GYG1: variants seen among roughly 807,000 people sequenced by gnomAD.
GYG1 encodes the protein glycogenin-1.
Under a neutral mutation model 41.9 loss-of-function variants are expected in GYG1, and 44 were observed. That is an observed-to-expected ratio of 1.05 (90% CI 0.83 to 1.35). The LOEUF (loss-of-function observed/expected upper bound fraction) is 1.35, where lower values mean the gene tolerates loss of function less well. Among genes scored for constraint, GYG1 ranks in the 40% most tolerant of loss-of-function variants. The pLI, the probability that GYG1 is intolerant of heterozygous loss-of-function variation, is 0.00. For missense variants in GYG1, 429 were observed against 418.9 expected (o/e 1.02, Z -0.21); for synonymous variants, 141 against 158.1 (o/e 0.89, Z 0.81).
chr3:149,003,530 AT>A (rs1435376059), intron 4 of GYG1, among the ~76,000 whole-genome samples: 1 of 152,206 alleles, frequency 6.6e-6, no homozygotes, highest in Non-Finnish European at 1.5e-5. Context: ...AATGTTAGAC[AT>A]TTTTTATAGA....
At chr3:148,997,994 T>G (rs1712903714) in intron 4 of GYG1, among the ~76,000 whole-genome samples, 1 of 152,228 alleles carries the variant, frequency 6.6e-6, no homozygotes, top group Non-Finnish European at 1.5e-5. Flanking sequence ...GGTGCAGATA[T>G]GAGAATTCAT....
intron 4 of GYG1, among the ~76,000 whole-genome samples, chr3:148,998,651 G>A (rs999248975): frequency 1.7e-4 from 26 of 152,328 alleles, no homozygotes; most frequent in African/African-American, 5.3e-4. Flanking sequence ...GGTCAAGGCC[G>A]AATGAAACTT....
intron 5 of GYG1, among the ~76,000 whole-genome samples, chr3:149,017,875 A>G (rs941386032): frequency 6.6e-6 from 1 of 151,520 alleles, no homozygotes; most frequent in Admixed American, 6.6e-5. Flanking sequence ...GGCCTCCCAA[A>G]GTGCTAGGAT....
chr3:149,015,974 C>G (rs990399816), intron 5 of GYG1, among the ~76,000 whole-genome samples: 1 of 151,956 alleles, frequency 6.6e-6, no homozygotes, highest in Non-Finnish European at 1.5e-5. Context: ...AGATAAGAGC[C>G]AGGACAGGCC....
At chr3:149,000,162 G>T (rs1713012948) in intron 4 of GYG1, among the ~76,000 whole-genome samples, 1 of 152,088 alleles carries the variant, frequency 6.6e-6, no homozygotes, top group Admixed American at 6.6e-5. Flanking sequence ...TCCTAATATG[G>T]CAAACCATAC....
chr3:148,995,165 G>A (rs1211770150), intron 2 of GYG1, among the ~76,000 whole-genome samples: 3 of 152,198 alleles, frequency 2.0e-5, no homozygotes, highest in Non-Finnish European at 4.4e-5. Flanking sequence ...AGCCGAGATT[G>A]TGCCACTGCA....
intron 5 of GYG1, among the ~76,000 whole-genome samples, chr3:149,013,033 T>TGTGTGTGTGTGTGTGTGTGTGTGTG (rs1713823515): frequency 1.3e-5 from 1 of 77,944 alleles, no homozygotes; most frequent in African/African-American, 8.0e-5. Flanking sequence ...GTGTGTGTGT[T>TGTGTGTGTGTGTGTGTGTGTGTGTG]TTATAGAGAC....
At chr3:149,009,506 A>G (rs1576546119) in intron 5 of GYG1, 104 bp downstream of exon 5, 2 of 1,118,400 alleles carry the variant, frequency 1.8e-6, no homozygotes, top group Non-Finnish European at 2.7e-6. Flanking sequence ...AATAACAGAT[A>G]GACACTTTGA....
At chr3:149,012,489 T>TA (rs751471056) in intron 5 of GYG1, among the ~76,000 whole-genome samples, 1 of 152,336 alleles carries the variant, frequency 6.6e-6, no homozygotes, top group Non-Finnish European at 1.5e-5. Flanking sequence ...CCCAGAATCT[T>TA]AGAGTTTTGG....
intron 5 of GYG1, among the ~76,000 whole-genome samples, chr3:149,017,184 T>A (rs1714095613): frequency 6.6e-6 from 1 of 152,214 alleles, no homozygotes. Flanking sequence ...TAACATCAGG[T>A]CACAGGGATA....
chr3:149,014,332 A>G (rs1460132098), intron 5 of GYG1, among the ~76,000 whole-genome samples: 2 of 152,200 alleles, frequency 1.3e-5, no homozygotes, highest in Non-Finnish European at 2.9e-5. Context: ...AAAAGCTTCC[A>G]TATCGGACCC....
At chr3:149,011,687 T>C (rs532758750) in intron 5 of GYG1, among the ~76,000 whole-genome samples, 1 of 152,364 alleles carries the variant, frequency 6.6e-6, no homozygotes, top group African/African-American at 2.4e-5. Flanking sequence ...GTTGATTTTA[T>C]ATCCTCCAAA....
At chr3:149,014,434 C>T (rs982744640) in intron 5 of GYG1, among the ~76,000 whole-genome samples, 10 of 151,978 alleles carry the variant, frequency 6.6e-5, no homozygotes, top group African/African-American at 2.2e-4. Flanking sequence ...AATGCCATCT[C>T]GGTCGAAGAG....
chr3:148,996,524 T>C, intron 3 of GYG1, 48 bp downstream of exon 3: 1 of 1,478,094 alleles, frequency 6.8e-7, no homozygotes, highest in Non-Finnish European at 9.4e-7. Context: ...ATATATATGG[T>C]GATGGAGACC....
At chr3:149,004,825 C>T (rs191811072) in intron 4 of GYG1, among the ~76,000 whole-genome samples, 1 of 152,168 alleles carries the variant, frequency 6.6e-6, no homozygotes, top group African/African-American at 2.4e-5. Flanking sequence ...TCTGTACACC[C>T]CGTGCTTCCC....
At position 149,017,582 on chromosome 3, in the gene GYG1, G is replaced by GTTTTTTTTTTTT. The variant is rs58075146; in HGVS notation, c.609-6452_609-6441dup. ...TTATTTATTTATTTCTTTTATTTAG[G>GTTTTTTTTTTTT]TTTTTTTTTTTTTTTTTTTTTTTTT... On this transcript the variant is annotated intron_variant, in intron 5 of 7. Transcript: ENST00000345003. Among the ~76,000 whole-genome samples the GTTTTTTTTTTTT allele has an allele frequency of 1.3e-4, 6 of 47,330 alleles. 1 individual carries two copies. The highest frequency in any genetic ancestry group is 3.3e-4 in the African/African-American group (6 of 18,048). 31.1% of individuals were successfully genotyped at this position (47,330 alleles called of 152,430 possible).
In GYG1 at chr3:149,021,733, C is replaced by G. The variant is rs140561849; in HGVS notation, c.609-2320C>G. 2.8e-3 allele frequency among the ~76,000 whole-genome samples: 432 copies of G among 151,848 alleles called. 9 individuals carry two copies. The highest frequency in any genetic ancestry group is 2.5e-4 in the Non-Finnish European group (17 of 67,972). On this transcript the variant is annotated intron_variant, in intron 5 of 7. Transcript: ENST00000345003. The stretch of plus-strand genomic sequence containing the variant: ...ATTTGGTCTCCAAATATAGTAAACT[C>G]TGATGATAGCTTTTTAACCAGTTCC...
At chr3:149,016,270 A>C (rs1312296590) in intron 5 of GYG1, among the ~76,000 whole-genome samples, 4 of 151,296 alleles carry the variant, frequency 2.6e-5, no homozygotes, top group Non-Finnish European at 5.9e-5. Context: ...CAAAAAAAAA[A>C]AAAAAACAAA....
intron 5 of GYG1, among the ~76,000 whole-genome samples, chr3:149,017,089 T>C (rs775805146): frequency 5.3e-5 from 8 of 152,376 alleles, no homozygotes; most frequent in Middle Eastern, 3.4e-3. Flanking sequence ...TTTTCTGTTC[T>C]AAACAGTTCT....
Sources: gnomAD v4.1 joint callset for allele counts (sites outside exome capture counted in the v4.1 genomes callset) on GRCh38, gnomAD v4.1.1 for gene constraint, MANE v1.5 for transcripts, NCBI Gene and HGNC (gene_info 2026-07-23, HGNC 2026-07-21) for gene names.